PREX2: variants seen among roughly 807,000 people sequenced by gnomAD.
The protein encoded by PREX2 is phosphatidylinositol 3,4,5-trisphosphate-dependent Rac exchanger 2 protein.
Under a neutral mutation model 203.2 loss-of-function variants are expected in PREX2, and 107 were observed. The observed-to-expected ratio is 0.53, with a 90% CI of 0.45 to 0.62. The LOEUF (loss-of-function observed/expected upper bound fraction) is 0.62, where lower values mean the gene tolerates loss of function less well. Ranked by LOEUF, PREX2 falls within the 20% of genes least tolerant of loss-of-function variation. The pLI, the probability that PREX2 is intolerant of heterozygous loss-of-function variation, is 0.00. For synonymous variants in PREX2, 672 were observed against 663.6 expected, an observed-to-expected ratio of 1.01 and a Z score of -0.19; for missense variants, 1,777 against 1,955.9, an observed-to-expected ratio of 0.91 and a Z score of 1.72.
chr8:68,148,877 T>A (rs772966117), intron 34 of PREX2, among the ~76,000 whole-genome samples: 1 of 152,158 alleles, frequency 6.6e-6, no homozygotes, highest in Non-Finnish European at 1.5e-5. Flanking sequence ...AAAACTCCCA[T>A]GAGGAATCAT....
chr8:67,978,209 C>T (rs1378978919), intron 1 of PREX2, among the ~76,000 whole-genome samples: 1 of 152,102 alleles, frequency 6.6e-6, no homozygotes, highest in Non-Finnish European at 1.5e-5. Flanking sequence ...CCTCCTCTCC[C>T]CCCGCACATA....
chr8:68,116,604 C>T (rs902665229), intron 26 of PREX2, among the ~76,000 whole-genome samples: 4 of 152,142 alleles, frequency 2.6e-5, no homozygotes, highest in Admixed American at 6.5e-5. Context: ...GACGCGTAAA[C>T]GGCCATCTTC....
intron 23 of PREX2, chr8:68,105,999 G>T (rs944686451): frequency 1.7e-5 from 3 of 179,740 alleles, no homozygotes; most frequent in Admixed American, 6.2e-5. Context: ...AACAATTGTT[G>T]TATATAGCAA....
chr8:68,078,257 G>A (rs1809407122), intron 15 of PREX2, among the ~76,000 whole-genome samples: 1 of 152,000 alleles, frequency 6.6e-6, no homozygotes, highest in African/African-American at 2.4e-5. Flanking sequence ...CCTTTGCCTC[G>A]TGGGTTGAAG....
chr8:68,019,703 C>T (rs1807509751), intron 3 of PREX2, 32 bp downstream of exon 3: 2 of 1,584,978 alleles, frequency 1.3e-6, no homozygotes, highest in Non-Finnish European at 1.7e-6. Flanking sequence ...TTTAAAAGTT[C>T]TTTTCCCCTA....
chr8:68,103,797 C>T, intron 23 of PREX2: 1 of 504,984 alleles, frequency 2.0e-6, no homozygotes, highest in Non-Finnish European at 4.0e-6. Context: ...CTTGTGGGGG[C>T]TCCTCTGTGG....
intron 35 of PREX2, among the ~76,000 whole-genome samples, chr8:68,166,845 A>G (rs1469693808): frequency 2.0e-5 from 3 of 151,960 alleles, no homozygotes; most frequent in Non-Finnish European, 4.4e-5. Context: ...CAGTTATTCC[A>G]GAGGCTGAGG....
At chr8:67,954,338 A>C (rs1396734218) in intron 1 of PREX2, among the ~76,000 whole-genome samples, 1 of 152,190 alleles carries the variant, frequency 6.6e-6, no homozygotes, top group Non-Finnish European at 1.5e-5. Context: ...TCCTAAATAA[A>C]AGTTTACTCT....
chr8:67,954,031 C>G (rs1805427649), intron 1 of PREX2, among the ~76,000 whole-genome samples: 1 of 152,140 alleles, frequency 6.6e-6, no homozygotes, highest in Admixed American at 6.5e-5. Flanking sequence ...TTTGCAGAGA[C>G]AGTTAATCTA....
chr8:68,111,626 C>T (rs1021774544), intron 25 of PREX2, among the ~76,000 whole-genome samples: 4 of 152,118 alleles, frequency 2.6e-5, no homozygotes, highest in African/African-American at 9.7e-5. Context: ...AAAAGTGGCA[C>T]ACAGTGAGCA....
intron 28 of PREX2, 77 bp downstream of exon 28, chr8:68,119,591 A>G (rs891810177): frequency 1.9e-6 from 2 of 1,040,122 alleles, no homozygotes; most frequent in Non-Finnish European, 3.0e-6. Flanking sequence ...CAGTAAAAGG[A>G]GCTCAGAGTT....
chr8:68,209,095 GAA>G (rs1321355608), intron 37 of PREX2, among the ~76,000 whole-genome samples: 1 of 144,836 alleles, frequency 6.9e-6, no homozygotes, highest in African/African-American at 2.5e-5. Flanking sequence ...AAAAAAGAAA[GAA>G]AAAAGAAAAA....
intron 7 of PREX2, among the ~76,000 whole-genome samples, chr8:68,040,327 CACCT>C (rs969431849): frequency 6.6e-6 from 1 of 152,070 alleles, no homozygotes; most frequent in African/African-American, 2.4e-5. Context: ...TGCTTGGCCC[CACCT>C]AGAATAAAAT....
intron 15 of PREX2, 145 bp from the exon 16 acceptor site, chr8:68,080,298 C>A: frequency 3.5e-6 from 2 of 575,220 alleles, no homozygotes; most frequent in East Asian, 3.5e-5. Flanking sequence ...AAACAAAACC[C>A]GGGGCTACTT....
chr8:68,004,843 T>C (rs938437598), intron 1 of PREX2, among the ~76,000 whole-genome samples: 12 of 152,168 alleles, frequency 7.9e-5, no homozygotes, highest in African/African-American at 2.4e-4. Flanking sequence ...TAGAACATAA[T>C]AAAAAATCAA....
chr8:68,157,295 G>A (rs1811560650), intron 34 of PREX2, 27 bp from the exon 35 acceptor site: 1 of 1,295,116 alleles, frequency 7.7e-7, no homozygotes, highest in Non-Finnish European at 1.1e-6. Flanking sequence ...AAAGTTGCTT[G>A]TAAAATATGT....
At chr8:68,001,857 C>T (rs569286968) in intron 1 of PREX2, among the ~76,000 whole-genome samples, 89 of 152,200 alleles carry the variant, frequency 5.8e-4, no homozygotes, top group African/African-American at 1.7e-3. Flanking sequence ...AACCAAATAC[C>T]GCATGTTCTC....
intron 1 of PREX2, among the ~76,000 whole-genome samples, chr8:67,989,843 G>T (rs1806545371): frequency 6.6e-6 from 1 of 152,242 alleles, no homozygotes; most frequent in African/African-American, 2.4e-5. Flanking sequence ...GTAAACAATT[G>T]TCTCCATATG....
intron 34 of PREX2, among the ~76,000 whole-genome samples, chr8:68,148,472 A>C (rs1811370886): frequency 6.6e-6 from 1 of 152,242 alleles, no homozygotes; most frequent in South Asian, 2.1e-4. Context: ...ATCTTTAAAA[A>C]AATTATTGCA....
Sources: allele counts gnomAD v4.1 joint callset (sites outside exome capture counted in the v4.1 genomes callset), GRCh38; gene constraint gnomAD v4.1.1; transcripts MANE v1.5; gene names NCBI Gene and HGNC (gene_info 2026-07-23, HGNC 2026-07-21).